The following NKAIN2 variants were observed in gnomAD, a reference collection of about 807,000 sequenced individuals.
NKAIN2 encodes the protein sodium/potassium transporting ATPase interacting 2.
In NKAIN2, 14 loss-of-function variants were observed where a neutral mutation model predicts 32.6. That is an observed-to-expected ratio of 0.43 (90% CI 0.28 to 0.67). NKAIN2 has a LOEUF of 0.67. NKAIN2 is among the 30% of genes least tolerant of loss of function. NKAIN2 has a pLI of 0.17. For synonymous variants in NKAIN2, 80 were observed against 87.2 expected (o/e 0.92, Z 0.46); for missense variants, 198 against 258.3 (o/e 0.77, Z 1.60).
intron 3 of NKAIN2, among the ~76,000 whole-genome samples, chr6:124,430,681 A>T (rs1235804743): frequency 6.7e-6 from 1 of 149,900 alleles, no homozygotes; most frequent in Non-Finnish European, 1.5e-5. Context: ...AAAAAAAAAA[A>T]TGGTGGAAAT....
intron 3 of NKAIN2, among the ~76,000 whole-genome samples, chr6:124,527,418 T>C (rs115107817): frequency 6.6e-6 from 1 of 152,354 alleles, no homozygotes; most frequent in African/African-American, 2.4e-5. Flanking sequence ...ACTATACTTT[T>C]TCTGAACATC....
intron 3 of NKAIN2, among the ~76,000 whole-genome samples, chr6:124,386,683 C>A (rs1772914535): frequency 6.6e-6 from 1 of 152,098 alleles, no homozygotes; most frequent in Admixed American, 6.6e-5. Context: ...GTGGTGTTGG[C>A]TTTTGTTTGT....
chr6:124,662,251 A>G (rs916550693), intron 4 of NKAIN2, among the ~76,000 whole-genome samples: 3 of 152,194 alleles, frequency 2.0e-5, no homozygotes, highest in African/African-American at 7.2e-5. Flanking sequence ...TCCTGTGATA[A>G]AAACAATGAA....
intron 1 of NKAIN2, among the ~76,000 whole-genome samples, chr6:124,207,845 T>G (rs565570011): frequency 2.6e-5 from 4 of 151,856 alleles, no homozygotes; most frequent in African/African-American, 9.7e-5. Flanking sequence ...TACAAATAAT[T>G]TACATGTTGC....
intron 4 of NKAIN2, among the ~76,000 whole-genome samples, chr6:124,746,651 A>C (rs1162121510): frequency 6.6e-6 from 1 of 151,854 alleles, no homozygotes; most frequent in Non-Finnish European, 1.5e-5. Flanking sequence ...TGAATTGTGG[A>C]ATTATGTATG....
intron 1 of NKAIN2, among the ~76,000 whole-genome samples, chr6:124,153,462 T>C (rs897597752): frequency 1.3e-5 from 2 of 151,780 alleles, no homozygotes; most frequent in African/African-American, 4.8e-5. Context: ...TGAGGGATAA[T>C]TAACTTTTAA....
chr6:124,737,079 T>C (rs760703947), intron 4 of NKAIN2, among the ~76,000 whole-genome samples: 1 of 151,888 alleles, frequency 6.6e-6, no homozygotes, highest in Non-Finnish European at 1.5e-5. Flanking sequence ...TCAACATTAA[T>C]AGAAGTTTGG....
intron 1 of NKAIN2, among the ~76,000 whole-genome samples, chr6:124,021,644 G>A (rs1224373454): frequency 6.6e-6 from 1 of 151,700 alleles, no homozygotes; most frequent in African/African-American, 2.4e-5. Flanking sequence ...ATTTTAAAAG[G>A]AAAAGGCAAT....
intron 4 of NKAIN2, among the ~76,000 whole-genome samples, chr6:124,756,896 G>A (rs139732475): frequency 1.2e-3 from 181 of 152,182 alleles, no homozygotes; most frequent in African/African-American, 4.1e-3. Context: ...AGTGTTAGAA[G>A]ACATTTGCTT....
At chr6:124,248,327 G>T (rs1238989896) in intron 1 of NKAIN2, among the ~76,000 whole-genome samples, 1 of 151,948 alleles carries the variant, frequency 6.6e-6, no homozygotes, top group Non-Finnish European at 1.5e-5. Context: ...AACAGAGGTG[G>T]CTTATAGCGA....
intron 4 of NKAIN2, among the ~76,000 whole-genome samples, chr6:124,762,247 C>T (rs575480426): frequency 1.3e-5 from 2 of 152,262 alleles, no homozygotes; most frequent in South Asian, 4.1e-4. Context: ...GTCCTCATGT[C>T]ATGTTTTCTC....
At chr6:124,682,640 A>G (rs867053541) in intron 4 of NKAIN2, among the ~76,000 whole-genome samples, 1 of 152,186 alleles carries the variant, frequency 6.6e-6, no homozygotes, top group Non-Finnish European at 1.5e-5. Flanking sequence ...TATTTGTGAT[A>G]AAATACAAAC....
intron 3 of NKAIN2, among the ~76,000 whole-genome samples, chr6:124,627,269 C>CA (rs1180584170): frequency 5.6e-4 from 82 of 146,414 alleles, no homozygotes; most frequent in African/African-American, 1.4e-3. Context: ...GACACGGTCT[C>CA]AAAAAAAAAA....
At chr6:123,982,321 G>A (rs1337508492) in intron 1 of NKAIN2, among the ~76,000 whole-genome samples, 2 of 152,246 alleles carry the variant, frequency 1.3e-5, no homozygotes, top group South Asian at 2.1e-4. Flanking sequence ...GTGAAGACAC[G>A]CAAAGAGGGC....
intron 4 of NKAIN2, among the ~76,000 whole-genome samples, chr6:124,787,388 T>C (rs1779555117): frequency 6.6e-6 from 1 of 152,114 alleles, no homozygotes; most frequent in Non-Finnish European, 1.5e-5. Context: ...TGTAAAGCTT[T>C]ATATCCAGCT....
intron 5 of NKAIN2, among the ~76,000 whole-genome samples, chr6:124,795,215 C>T (rs1779945505): frequency 6.6e-6 from 1 of 152,110 alleles, no homozygotes. Context: ...CTTAGAATGG[C>T]TGTGGAGATA....
intron 3 of NKAIN2, among the ~76,000 whole-genome samples, chr6:124,624,707 A>G (rs2114271538): frequency 6.6e-6 from 1 of 152,314 alleles, no homozygotes; most frequent in East Asian, 1.9e-4. Flanking sequence ...TTCTGGCAAC[A>G]TGTTGTTCTC....
chr6:124,231,718 C>T (rs1048341228), intron 1 of NKAIN2, among the ~76,000 whole-genome samples: 4 of 152,056 alleles, frequency 2.6e-5, no homozygotes, highest in South Asian at 2.1e-4. Flanking sequence ...GCCATGATTG[C>T]GAGGCCTCCC....
At chr6:124,496,550 CAT>C (rs1469041266) in intron 3 of NKAIN2, among the ~76,000 whole-genome samples, 2 of 152,044 alleles carry the variant, frequency 1.3e-5, no homozygotes, top group African/African-American at 2.4e-5. Context: ...TTTATCAAAA[CAT>C]GTGATGAGTT....
Sources: allele counts gnomAD v4.1 joint callset (sites outside exome capture counted in the v4.1 genomes callset), GRCh38; gene constraint gnomAD v4.1.1; transcripts MANE v1.5; gene names NCBI Gene and HGNC (gene_info 2026-07-23, HGNC 2026-07-21).